ADARB2: variants seen among roughly 807,000 people sequenced by gnomAD.
ADARB2 encodes inactive double-stranded RNA-specific editase B2.
ADARB2 carries 25 observed loss-of-function variants against 62.2 expected under a neutral mutation model. That is an observed-to-expected ratio of 0.40 (90% CI 0.29 to 0.56). The LOEUF is 0.56. Among genes scored for constraint, ADARB2 ranks in the 20% least tolerant of loss-of-function variants. The probability of loss-of-function intolerance (pLI) is 0.43; values close to 1 mark genes in which losing one functional copy is unlikely to be tolerated. For missense variants in ADARB2, 1,071 were observed against 1,077.4 expected (o/e 0.99, Z 0.08); for synonymous variants, 572 against 500.8 (o/e 1.14, Z -1.90).
At chr10:1,435,618 C>G (rs1039838138) in intron 1 of ADARB2, among the ~76,000 whole-genome samples, 2 of 152,204 alleles carry the variant, frequency 1.3e-5, no homozygotes, top group African/African-American at 4.8e-5. Flanking sequence ...AGGCCCCTCT[C>G]TCTCCTTCCA....
intron 1 of ADARB2, among the ~76,000 whole-genome samples, chr10:1,714,448 C>T (rs12571115): frequency 6.6e-6 from 1 of 152,096 alleles, no homozygotes; most frequent in Non-Finnish European, 1.5e-5. Context: ...TTGGTCAAAG[C>T]TGCCTCTAGG....
intron 1 of ADARB2, among the ~76,000 whole-genome samples, chr10:1,482,207 A>G (rs1435735214): frequency 2.6e-5 from 4 of 152,248 alleles, no homozygotes; most frequent in African/African-American, 9.6e-5. Context: ...AAAAGTAAGC[A>G]TGATTCCTAA....
chr10:1,199,659 AG>A, intron 8 of ADARB2: 1 of 305,386 alleles, frequency 3.3e-6, no homozygotes, highest in Non-Finnish European at 6.0e-6. Context: ...CCAGGTGGGC[AG>A]GTGGGGCCTC....
chr10:1,702,302 A>G lies in ADARB2; in HGVS notation c.100+34749T>C, dbSNP rs1034857762. On this transcript the variant is annotated intron_variant, in intron 1 of 9. Coordinates refer to ENST00000381312, the MANE Select transcript of ADARB2 (RefSeq NM_018702.4). ...TTAAACTCAATTTTGACAGTAGTGG[A>G]TAACCATAACCCATTCATTAGATGG... Among the ~76,000 whole-genome samples, 6 of 152,364 alleles carry G rather than the reference A, an allele frequency of 3.9e-5. 1 individual carries two copies. The highest frequency in any genetic ancestry group is 3.9e-4 in the Admixed American group (6 of 15,306).
chr10:1,731,535 G>A (rs974902346), intron 1 of ADARB2, among the ~76,000 whole-genome samples: 1 of 152,134 alleles, frequency 6.6e-6, no homozygotes, highest in African/African-American at 2.4e-5. Context: ...CTTTTTGAAT[G>A]TAATGTCTCT....
At chr10:1,513,030 T>C (rs1295321147) in intron 1 of ADARB2, among the ~76,000 whole-genome samples, 1 of 152,210 alleles carries the variant, frequency 6.6e-6, no homozygotes, top group Non-Finnish European at 1.5e-5. Context: ...CTGATGACAT[T>C]GCATACTGAA....
chr10:1,195,389 G>GTTTT lies in ADARB2; in HGVS notation c.1864+4573_1864+4576dup, dbSNP rs377144803. 2.0e-3 allele frequency among the ~76,000 whole-genome samples: 208 copies of GTTTT among 103,660 alleles called. 5 individuals carry two copies. The highest frequency in any genetic ancestry group is 7.7e-3 in the African/African-American group (180 of 23,480). The allele number at this position is 103,660 out of a possible 152,430, so 68.0% of individuals were successfully genotyped here. On this transcript the variant is annotated intron_variant, in intron 8 of 9. Coordinates refer to ENST00000381312, the MANE Select transcript of ADARB2 (RefSeq NM_018702.4). ...TCAGTATCTGTCAATGCTGTACACA[G>GTTTT]TTTTTTTTTTGTTTTTTTTTTTTTT...
chr10:1,449,900 T>C (rs1324623378), intron 1 of ADARB2, among the ~76,000 whole-genome samples: 1 of 152,254 alleles, frequency 6.6e-6, no homozygotes, highest in Admixed American at 6.5e-5. Flanking sequence ...AGAAAACATC[T>C]GGGTGAGTTC....
At chr10:1,338,505 C>T (rs986854270) in intron 3 of ADARB2, among the ~76,000 whole-genome samples, 4 of 152,208 alleles carry the variant, frequency 2.6e-5, no homozygotes, top group Non-Finnish European at 4.4e-5. Flanking sequence ...AACAAGAAAA[C>T]CAGGCCACCT....
chr10:1,378,149 T>G (rs1832450755), intron 2 of ADARB2, among the ~76,000 whole-genome samples: 1 of 152,216 alleles, frequency 6.6e-6, no homozygotes, highest in African/African-American at 2.4e-5. Flanking sequence ...CAATTTGCTG[T>G]GAACCAGAGG....
chr10:1,734,235 TGA>T (rs1835271697), intron 1 of ADARB2, among the ~76,000 whole-genome samples: 1 of 151,608 alleles, frequency 6.6e-6, no homozygotes, highest in Admixed American at 6.6e-5. Flanking sequence ...AAAGTTTATT[TGA>T]GAGAGAAATA....
At chr10:1,469,669 A>G (rs911641396) in intron 1 of ADARB2, among the ~76,000 whole-genome samples, 4 of 152,196 alleles carry the variant, frequency 2.6e-5, no homozygotes, top group African/African-American at 9.7e-5. Flanking sequence ...AAAAGAAAAC[A>G]GTGCTTTATC....
At chr10:1,342,163 A>G (rs978743788) in intron 3 of ADARB2, among the ~76,000 whole-genome samples, 1 of 152,190 alleles carries the variant, frequency 6.6e-6, no homozygotes, top group Non-Finnish European at 1.5e-5. Context: ...AGTTACAGTG[A>G]AGACAGTGAG....
chr10:1,269,456 A>G (rs1831238037), intron 4 of ADARB2, among the ~76,000 whole-genome samples: 1 of 152,242 alleles, frequency 6.6e-6, no homozygotes, highest in African/African-American at 2.4e-5. Flanking sequence ...TAACACTTAC[A>G]TGGTACTTGC....
intron 6 of ADARB2, among the ~76,000 whole-genome samples, chr10:1,230,417 T>C (rs1247945619): frequency 1.3e-5 from 2 of 152,190 alleles, no homozygotes; most frequent in Non-Finnish European, 2.9e-5. Context: ...TGCCCTTGGC[T>C]AGCCCTGGAG....
At chr10:1,434,583 C>T (rs1830814879) in intron 1 of ADARB2, among the ~76,000 whole-genome samples, 1 of 152,122 alleles carries the variant, frequency 6.6e-6, no homozygotes, top group African/African-American at 2.4e-5. Flanking sequence ...CGAAGGCATT[C>T]TTAACAGGAC....
chr10:1,364,301 G>C (rs763740083), intron 2 of ADARB2, among the ~76,000 whole-genome samples: 1 of 152,078 alleles, frequency 6.6e-6, no homozygotes, highest in Non-Finnish European at 1.5e-5. Flanking sequence ...CTGCTACAGG[G>C]ACCTCCAGGC....
intron 1 of ADARB2, among the ~76,000 whole-genome samples, chr10:1,571,619 A>G (rs192945120): frequency 4.1e-4 from 62 of 152,224 alleles, no homozygotes; most frequent in Non-Finnish European, 7.5e-4. Flanking sequence ...CAGAGGTGAG[A>G]GTGCAGGCGA....
chr10:1,325,368 C>T (rs190667247), intron 3 of ADARB2, among the ~76,000 whole-genome samples: 3 of 152,314 alleles, frequency 2.0e-5, no homozygotes, highest in East Asian at 3.9e-4. Context: ...GTATTCTATG[C>T]TCTCACCTCC....
Sources: allele counts gnomAD v4.1 joint callset (sites outside exome capture counted in the v4.1 genomes callset), GRCh38; gene constraint gnomAD v4.1.1; transcripts MANE v1.5; gene names NCBI Gene and HGNC (gene_info 2026-07-23, HGNC 2026-07-21).